Variants in SHTN1 observed in about 807,000 individuals in gnomAD.
SHTN1 encodes the protein shootin 1.
A neutral mutation model predicts 83.1 loss-of-function variants in SHTN1; 42 were observed. The ratio of observed to expected loss-of-function variants is 0.51; its 90% CI spans 0.39 to 0.65. The LOEUF is 0.65. Among genes scored for constraint, SHTN1 ranks in the 30% least tolerant of loss-of-function variants. SHTN1 has a pLI of 0.00. For missense variants in SHTN1, 622 were observed against 737.8 expected, an observed-to-expected ratio of 0.84 and a Z score of 1.82; for synonymous variants, 224 against 247.7, an observed-to-expected ratio of 0.90 and a Z score of 0.90.
intron 3 of SHTN1, among the ~76,000 whole-genome samples, chr10:116,965,767 AT>A (rs1437738996): frequency 1.3e-5 from 2 of 152,160 alleles, no homozygotes; most frequent in African/African-American, 2.4e-5. Flanking sequence ...AGTGTTAAGC[AT>A]TTTTTATACA....
chr10:116,921,312 C>T, intron 12 of SHTN1, 122 bp downstream of exon 12: 1 of 644,978 alleles, frequency 1.6e-6, no homozygotes, highest in Non-Finnish European at 2.7e-6. Context: ...ATTCTTACAG[C>T]TGTTCAGTGC....
At chr10:117,060,563 C>T (rs182986387) in intron 1 of SHTN1, among the ~76,000 whole-genome samples, 70 of 152,246 alleles carry the variant, frequency 4.6e-4, no homozygotes, top group African/African-American at 1.7e-3. Flanking sequence ...AATTAATAAA[C>T]AGAGCAACTA....
intron 1 of SHTN1, among the ~76,000 whole-genome samples, chr10:117,062,150 T>A (rs1348072280): frequency 6.6e-6 from 1 of 152,198 alleles, no homozygotes; most frequent in Non-Finnish European, 1.5e-5. Context: ...TTAATTAAAC[T>A]TTGTATACTT....
rs573164363 is a variant in SHTN1 at position 116,899,842 on chromosome 10, A to T, written c.1673+1923T>A. Among the ~76,000 whole-genome samples the T allele has an allele frequency of 1.3e-4, 20 of 152,356 alleles. No homozygotes were observed. The South Asian group carries it at 3.9e-3, about 30-fold the overall frequency. The stretch of plus-strand genomic sequence containing the variant: ...TGGTTAGTGTAACAGAGTACTTACT[A>T]ATAAGTCAAAGCCAGCCAGACACAG... On this transcript the variant is annotated intron_variant, in intron 16 of 16. Coordinates refer to ENST00000355371, the MANE Select transcript of SHTN1 (RefSeq NM_001127211.3).
chr10:117,058,753 T>C (rs1314380802), intron 1 of SHTN1, among the ~76,000 whole-genome samples: 5 of 152,182 alleles, frequency 3.3e-5, no homozygotes, highest in Admixed American at 6.5e-5. Flanking sequence ...TATCCATTGA[T>C]AGATGAATGC....
Position 116,900,040 on chromosome 10 carries a change from C to T in SHTN1, c.1673+1725G>A, listed in dbSNP as rs373423795. On this transcript the variant is annotated intron_variant, in intron 16 of 16. Coordinates refer to ENST00000355371, the MANE Select transcript of SHTN1 (RefSeq NM_001127211.3). ...TGTGCCAGTCTGGGTAAATAATTAC[C>T]TATACATACACAGAATTCTCAGATT... Among the ~76,000 whole-genome samples, 3 of 152,204 alleles carry T rather than the reference C, an allele frequency of 2.0e-5. No individual in the cohort carries two copies. In the East Asian group the frequency reaches 5.8e-4, roughly 29 times the overall value.
chr10:116,905,430 A>C (rs1589793522), intron 15 of SHTN1, among the ~76,000 whole-genome samples: 1 of 152,116 alleles, frequency 6.6e-6, no homozygotes, highest in Non-Finnish European at 1.5e-5. Context: ...AGGAGGGGAG[A>C]ATCTTTGTAA....
rs145396947 is a variant in SHTN1, at chr10:116,982,915, A to G, written c.59-3607T>C. ...GAGGCGGAGGTTGCAGTGAGCCGAGATCATACCACTGCACTCCAGCCTGGG... is the reference window on the plus strand; with the variant it reads ...GAGGCGGAGGTTGCAGTGAGCCGAGGTCATACCACTGCACTCCAGCCTGGG... On this transcript the variant is annotated intron_variant, in intron 1 of 16. Transcript: ENST00000355371. 1.2e-3 allele frequency among the ~76,000 whole-genome samples: 190 copies of G among 152,170 alleles called. 1 individual carries two copies. In the East Asian group the frequency reaches 0.017, roughly 14 times the overall value.
rs375723511 is a variant in SHTN1, at chr10:116,882,969, T to TACAAACACAC, written c.*3374_*3375insGTGTGTTTGT. ...GGGTGTTCACATACCCTTTGAAAAATACACACACACACACACACACACACA... is the reference window on the plus strand; with the variant it reads ...GGGTGTTCACATACCCTTTGAAAAATACAAACACACACACACACACACACACACACACACA... On this transcript the variant is annotated 3_prime_UTR_variant, in exon 17 of 17. Coordinates refer to ENST00000355371, the MANE Select transcript of SHTN1 (RefSeq NM_001127211.3). The TACAAACACAC allele has an allele frequency of 7.2e-6, 1 of 138,520 alleles. No homozygotes were observed. Among genetic ancestry groups the TACAAACACAC allele is most frequent in the East Asian group, 2.0e-4 (1 of 4,888 alleles). The allele number at this position is 138,520 out of a possible 1,614,324, so 8.6% of individuals were successfully genotyped here. A position where few individuals can be genotyped will look rare whatever the true frequency, so the allele number is the denominator to read the frequency against.
intron 7 of SHTN1, among the ~76,000 whole-genome samples, chr10:116,946,676 G>A (rs11197854): frequency 7.1e-4 from 99 of 138,838 alleles, no homozygotes; most frequent in South Asian, 3.4e-3. Context: ...TATATAAAAT[G>A]ATTTATATAT....
chr10:117,046,204 T>C (rs1452719717), intron 2 of SHTN1, among the ~76,000 whole-genome samples: 1 of 151,876 alleles, frequency 6.6e-6, no homozygotes, highest in Non-Finnish European at 1.5e-5. Context: ...ACAAAAACTA[T>C]ACCTAGACAT....
At chr10:116,969,944 A>C (rs547975306) in intron 2 of SHTN1, among the ~76,000 whole-genome samples, 42 of 152,346 alleles carry the variant, frequency 2.8e-4, no homozygotes, top group African/African-American at 1.0e-3. Context: ...TTATTCCCTA[A>C]GAGTGCCATA....
chr10:117,114,685 T>G (rs1401225730), intron 1 of SHTN1, among the ~76,000 whole-genome samples: 1 of 152,150 alleles, frequency 6.6e-6, no homozygotes, highest in African/African-American at 2.4e-5. Context: ...CAGCTCACAT[T>G]AGAGCAGTCA....
intron 12 of SHTN1, among the ~76,000 whole-genome samples, chr10:116,918,727 C>T (rs1004636952): frequency 2.0e-5 from 3 of 152,152 alleles, no homozygotes; most frequent in Non-Finnish European, 2.9e-5. Flanking sequence ...TTGTGAGACT[C>T]ACTAATTCTC....
intron 1 of SHTN1, among the ~76,000 whole-genome samples, chr10:117,098,457 G>A (rs1385268178): frequency 6.6e-6 from 1 of 150,836 alleles, no homozygotes; most frequent in Non-Finnish European, 1.5e-5. Context: ...TGTGGAATAG[G>A]AGATTCTAAT....
chr10:117,028,540 T>A (rs1034401431), intron 2 of SHTN1, among the ~76,000 whole-genome samples: 7 of 152,092 alleles, frequency 4.6e-5, no homozygotes, highest in African/African-American at 1.7e-4. Flanking sequence ...ACTGAATGAT[T>A]TCCTGGGCCA....
At chr10:116,898,570 T>A (rs1407395234) in intron 16 of SHTN1, among the ~76,000 whole-genome samples, 1 of 152,152 alleles carries the variant, frequency 6.6e-6, no homozygotes, top group Admixed American at 6.5e-5. Context: ...CAATCGGAAT[T>A]CATAACGTTC....
At chr10:116,913,661 T>C (rs1848284907) in intron 13 of SHTN1, among the ~76,000 whole-genome samples, 1 of 152,258 alleles carries the variant, frequency 6.6e-6, no homozygotes, top group South Asian at 2.1e-4. Flanking sequence ...GTTTTGCTTA[T>C]TCTTTCCATA....
At chr10:116,928,206 G>A (rs936862589) in intron 10 of SHTN1, among the ~76,000 whole-genome samples, 1 of 152,138 alleles carries the variant, frequency 6.6e-6, no homozygotes, top group East Asian at 1.9e-4. Context: ...TGTTAACAAC[G>A]AAGTATATGA....
Sources: gnomAD v4.1 joint callset for allele counts (sites outside exome capture counted in the v4.1 genomes callset) on GRCh38, gnomAD v4.1.1 for gene constraint, MANE v1.5 for transcripts, NCBI Gene and HGNC (gene_info 2026-07-23, HGNC 2026-07-21) for gene names.